The following IGSF21 variants were observed in gnomAD, a reference collection of about 807,000 sequenced individuals.
IGSF21 encodes the protein immunoglobin superfamily member 21.
IGSF21 carries 28 observed loss-of-function variants against 46.8 expected under a neutral mutation model. The observed-to-expected ratio is 0.60, with a 90% confidence interval of 0.44 to 0.82. The LOEUF (loss-of-function observed/expected upper bound fraction) is 0.82. Among genes scored for constraint, IGSF21 ranks in the 40% least tolerant of loss-of-function variants. IGSF21 has a pLI of 0.00. For synonymous variants in IGSF21, 284 were observed against 273.6 expected, an observed-to-expected ratio of 1.04 and a Z score of -0.38; for missense variants, 624 against 665.5, an observed-to-expected ratio of 0.94 and a Z score of 0.69.
chr1:18,189,070 C>T (rs2086930735), intron 1 of IGSF21, among the ~76,000 whole-genome samples: 1 of 152,264 alleles, frequency 6.6e-6, no homozygotes, highest in Admixed American at 6.5e-5. Context: ...CAGGGAAAGG[C>T]CAGGGAGGCC....
chr1:18,123,579 G>A (rs1362643492), intron 1 of IGSF21, among the ~76,000 whole-genome samples: 1 of 152,208 alleles, frequency 6.6e-6, no homozygotes, highest in Non-Finnish European at 1.5e-5. Context: ...GGAGAGTGCA[G>A]AAAAGGGAAT....
chr1:18,183,226 G>A (rs981076722), intron 1 of IGSF21, among the ~76,000 whole-genome samples: 4 of 152,128 alleles, frequency 2.6e-5, no homozygotes, highest in Non-Finnish European at 4.4e-5. Flanking sequence ...AAGAATGTCC[G>A]TTTTATAGAA....
chr1:18,197,501 C>G (rs11589169), intron 1 of IGSF21, among the ~76,000 whole-genome samples: 7,147 of 152,308 alleles, frequency 0.047, 537 homozygotes, highest in African/African-American at 0.16. Flanking sequence ...GCCATTCACC[C>G]TGCTGGATGT....
intron 2 of IGSF21, among the ~76,000 whole-genome samples, chr1:18,250,004 G>GT (rs897052020): frequency 1.3e-5 from 2 of 151,824 alleles, no homozygotes; most frequent in African/African-American, 2.4e-5. Context: ...GGCAGTTGGG[G>GT]CCCCAGTGCC....
intron 1 of IGSF21, among the ~76,000 whole-genome samples, chr1:18,215,346 G>T (rs2084433282): frequency 6.6e-6 from 1 of 152,220 alleles, no homozygotes; most frequent in Non-Finnish European, 1.5e-5. Context: ...ACAGAGACAG[G>T]CATTTGGCCC....
At chr1:18,270,319 C>G (rs1483578573) in intron 2 of IGSF21, among the ~76,000 whole-genome samples, 2 of 152,182 alleles carry the variant, frequency 1.3e-5, no homozygotes, top group Non-Finnish European at 1.5e-5. Flanking sequence ...TGGCTCCATC[C>G]CTTATAATGG....
chr1:18,254,206 A>G (rs1200723293), intron 2 of IGSF21, among the ~76,000 whole-genome samples: 1 of 151,302 alleles, frequency 6.6e-6, no homozygotes, highest in African/African-American at 2.5e-5. Flanking sequence ...TCTTAACCCC[A>G]GGCTGAGAAG....
At chr1:18,306,683 A>C (rs922341179) in intron 3 of IGSF21, among the ~76,000 whole-genome samples, 8 of 152,194 alleles carry the variant, frequency 5.3e-5, no homozygotes, top group African/African-American at 1.9e-4. Context: ...TTGGGCCATC[A>C]GCTGGCATTG....
intron 4 of IGSF21, among the ~76,000 whole-genome samples, chr1:18,351,912 G>A (rs2085961022): frequency 6.6e-6 from 1 of 152,200 alleles, no homozygotes; most frequent in Non-Finnish European, 1.5e-5. Flanking sequence ...GCCACCCACA[G>A]GCTGCGGGGC....
At chr1:18,303,596 T>C (rs1001953091) in intron 3 of IGSF21, among the ~76,000 whole-genome samples, 11 of 152,316 alleles carry the variant, frequency 7.2e-5, no homozygotes, top group South Asian at 4.1e-4. Flanking sequence ...TTAGTTCCGA[T>C]GTTGAATGCA....
intron 3 of IGSF21, among the ~76,000 whole-genome samples, chr1:18,302,940 A>C (rs2085376054): frequency 6.6e-6 from 1 of 152,208 alleles, no homozygotes. Flanking sequence ...TGGAACTCCC[A>C]GAACACACCC....
intron 1 of IGSF21, among the ~76,000 whole-genome samples, chr1:18,205,989 C>T (rs1325930119): frequency 3.9e-5 from 6 of 152,230 alleles, no homozygotes; most frequent in Non-Finnish European, 1.5e-5. Flanking sequence ...ACTGTTTCTT[C>T]TGCTGGACAC....
chr1:18,297,938 G>T (rs1245878925), intron 3 of IGSF21, among the ~76,000 whole-genome samples: 2 of 152,168 alleles, frequency 1.3e-5, no homozygotes, highest in Non-Finnish European at 2.9e-5. Context: ...TGAGGGCATT[G>T]CACAGCTCCT....
intron 3 of IGSF21, among the ~76,000 whole-genome samples, chr1:18,298,541 C>A (rs747237804): frequency 6.6e-5 from 10 of 152,090 alleles, no homozygotes; most frequent in Non-Finnish European, 1.5e-4. Context: ...AACAGCTGGG[C>A]GGGGCAGGGT....
At chr1:18,221,926 C>T (rs139087679) in intron 1 of IGSF21, among the ~76,000 whole-genome samples, 390 of 152,228 alleles carry the variant, frequency 2.6e-3, no homozygotes, top group African/African-American at 8.7e-3. Flanking sequence ...GCATCTGATA[C>T]GGGGTTAGTT....
At chr1:18,280,088 C>T (rs1057027222) in intron 2 of IGSF21, among the ~76,000 whole-genome samples, 8 of 152,172 alleles carry the variant, frequency 5.3e-5, no homozygotes, top group East Asian at 1.9e-4. Flanking sequence ...GCCCACTGAC[C>T]GGCAGCCCGG....
At chr1:18,178,729 G>A (rs1306954452) in intron 1 of IGSF21, among the ~76,000 whole-genome samples, 1 of 152,114 alleles carries the variant, frequency 6.6e-6, no homozygotes, top group Non-Finnish European at 1.5e-5. Context: ...TCTCCGGCCA[G>A]CAAGTGATGT....
Position 18,377,812 on chromosome 1 carries a change from C to T in IGSF21, c.1333+381C>T, listed in dbSNP as rs374070428. The stretch of plus-strand genomic sequence containing the variant: ...GTGTCCAGCCTCGACCGTGGGGCTG[C>T]GTTCTGAGACTCCAGACCACTCCGT... On this transcript the variant is annotated intron_variant, in intron 9 of 9. Coordinates refer to ENST00000251296, the MANE Select transcript of IGSF21 (RefSeq NM_032880.5). 5.3e-5 allele frequency among the ~76,000 whole-genome samples: 8 copies of T among 152,236 alleles called. No homozygotes were observed. In the South Asian group the frequency reaches 8.3e-4, roughly 16 times the overall value.
intron 3 of IGSF21, among the ~76,000 whole-genome samples, chr1:18,305,145 G>T (rs1217761844): frequency 5.3e-5 from 8 of 152,240 alleles, no homozygotes; most frequent in Middle Eastern, 3.4e-3. Flanking sequence ...AGACTTGCCT[G>T]AGGTCACAGT....
Sources: allele counts gnomAD v4.1 joint callset (sites outside exome capture counted in the v4.1 genomes callset), GRCh38; gene constraint gnomAD v4.1.1; transcripts MANE v1.5; gene names NCBI Gene and HGNC (gene_info 2026-07-23, HGNC 2026-07-21).